Variants in LRCH4 observed in about 807,000 individuals in gnomAD.
The protein encoded by LRCH4 is leucine rich repeats and calponin homology domain containing 4.
A neutral mutation model predicts 81.2 loss-of-function variants in LRCH4; 56 were observed. The ratio of observed to expected loss-of-function variants is 0.69; its 90% CI spans 0.56 to 0.86. The LOEUF (loss-of-function observed/expected upper bound fraction) is 0.86, where lower values mean the gene tolerates loss of function less well. LRCH4 is among the 40% of genes least tolerant of loss of function. The pLI, the probability that LRCH4 is intolerant of heterozygous loss-of-function variation, is 0.00. For synonymous variants in LRCH4, 442 were observed against 409.7 expected, an observed-to-expected ratio of 1.08 and a Z score of -0.95; for missense variants, 895 against 922.8, an observed-to-expected ratio of 0.97 and a Z score of 0.39.
rs532653065 is a variant in LRCH4 at position 100,575,189 on chromosome 7, G to A, written c.1970C>T (p.Ser657Phe). 6.2e-7 allele frequency: 1 copy of A among 1,613,268 alleles called. No homozygotes were observed. The highest frequency in any genetic ancestry group is 8.5e-7 in the Non-Finnish European group (1 of 1,179,636). ...GAAGACGACGAAGCCGCCCAGACCA[G>A]AGGGGGGCCAGAGGGGCGGTAGGGC... is the stretch of plus-strand genomic sequence containing the variant. ...GKALPPLWPP[S>F]GLGGFVVFYV... The change falls in exon 18 of 18, where the codon TCT becomes TTT. Residue 657 changes from serine to phenylalanine, a missense_variant. This residue lies in a region of LRCH4 where 529 missense variants were observed against 504.9 expected (regional missense o/e 1.05). Transcript: ENST00000310300. The surrounding 1 kb of genome is among the most constrained non-coding windows in gnomAD (Gnocchi z 5.3).
intron 14 of LRCH4, 48 bp from the exon 15 acceptor site, chr7:100,576,371 ACT>A (rs1562804913): frequency 1.4e-6 from 2 of 1,384,808 alleles, no homozygotes; most frequent in Non-Finnish European, 2.0e-6. Flanking sequence ...CTCACCACTG[ACT>A]CTGTAGCTGG....
Position 100,578,549 on chromosome 7 carries a change from G to A in LRCH4, c.736-38C>T, listed in dbSNP as rs201238982. Reference sequence around the variant, plus strand: ...CAGCACACGCCAGGGAGTTGGCAGGGAGGGCAGCTCCCCGGATCCTGCTCA... The same window carrying A: ...CAGCACACGCCAGGGAGTTGGCAGGAAGGGCAGCTCCCCGGATCCTGCTCA... On this transcript the variant is annotated intron_variant, in intron 5 of 17. Transcript: ENST00000310300. This position sits in a 1 kb window ranked among gnomAD's most constrained non-coding sequence, Gnocchi z 5.7. 135 of 1,602,320 alleles carry A rather than the reference G, an allele frequency of 8.4e-5. 1 individual carries two copies. In the East Asian group the frequency reaches 2.1e-3, roughly 25 times the overall value.
intron 4 of LRCH4, 108 bp downstream of exon 4, chr7:100,581,669 T>G: frequency 1.2e-6 from 1 of 862,980 alleles, no homozygotes; most frequent in Non-Finnish European, 1.9e-6. Flanking sequence ...GAAAAATGAA[T>G]GCCTGCCATG....
In LRCH4 at chr7:100,576,011, G is replaced by A; in HGVS notation, c.1639-3C>T. ...CGCTGCAGCCGGGACTCAAGGACCT[G>A]GCAGTGTAGACCACATAGAGCAGGG... On this transcript the variant is annotated splice_polypyrimidine_tract_variant and splice_region_variant and intron_variant, in intron 15 of 17. Transcript: ENST00000310300. The A allele has an allele frequency of 1.2e-6, 2 of 1,602,168 alleles. No individual in the cohort carries two copies. The highest frequency in any genetic ancestry group is 2.2e-5 in the South Asian group (2 of 90,496).
At position 100,575,364 on chromosome 7, in the gene LRCH4, G is replaced by A. The variant is rs1460057408; in HGVS notation, c.1855-60C>T. 7.0e-7 allele frequency: 1 copy of A among 1,427,968 alleles called. No individual in the cohort carries two copies. The highest frequency in any genetic ancestry group is 1.4e-5 in the African/African-American group (1 of 71,110). The allele number at this position is 1,427,968 out of a possible 1,614,324, so 88.5% of individuals were successfully genotyped here. On this transcript the variant is annotated intron_variant, in intron 17 of 17. Transcript: ENST00000310300. This position sits in a 1 kb window ranked among gnomAD's most constrained non-coding sequence, Gnocchi z 5.3. ...GGACAGACGTCAGCAGCAGCAGCAG[G>A]ACAGTCCCTCCCACCCCTGCCCTCA...
In LRCH4 at chr7:100,578,537, G is replaced by A; in HGVS notation, c.736-26C>T. On this transcript the variant is annotated intron_variant, in intron 5 of 17. Transcript: ENST00000310300. The surrounding 1 kb of genome is among the most constrained non-coding windows in gnomAD (Gnocchi z 5.7). ...CTGTGTGCGGGGCAGCACACGCCAG[G>A]GAGTTGGCAGGGAGGGCAGCTCCCC... The A allele has an allele frequency of 1.2e-6, 2 of 1,606,250 alleles. No individual in the cohort carries two copies. Among genetic ancestry groups the A allele is most frequent in the Non-Finnish European group, 1.7e-6 (2 of 1,174,850 alleles).
chr7:100,574,706 C>A lies in LRCH4; in HGVS notation c.*401G>T. 1 of 188,768 alleles carries A rather than the reference C, an allele frequency of 5.3e-6. No individual in the cohort carries two copies. The highest frequency in any genetic ancestry group is 1.1e-4 in the South Asian group (1 of 9,354). 11.7% of individuals were successfully genotyped at this position (188,768 alleles called of 1,614,324 possible). On this transcript the variant is annotated 3_prime_UTR_variant, in exon 18 of 18. Transcript: ENST00000310300. ...ACAGAGATAGGGACCCGGCCTGGGC[C>A]CCGAACCCCTACAAATATAGATCCT...
At chr7:100,585,845 G>C in intron 1 of LRCH4, 36 bp downstream of exon 1, 1 of 1,524,620 alleles carries the variant, frequency 6.6e-7, no homozygotes, top group Non-Finnish European at 8.8e-7. Context: ...ATGCAAATGA[G>C]GGACCCGGTT....
intron 4 of LRCH4, chr7:100,579,402 C>G (rs1179468960): frequency 6.6e-6 from 1 of 152,322 alleles, no homozygotes; most frequent in Non-Finnish European, 1.5e-5. Flanking sequence ...TTGAGACCAC[C>G]CTGGCTAACA....
At position 100,582,233 on chromosome 7, in the gene LRCH4, C is replaced by G; in HGVS notation, c.366-66G>C. ...TGGCATCCCAGCACTGCCATCCTCT[C>G]GGGGTCACTGGGTGGGTCACTCAGT... is the stretch of plus-strand genomic sequence containing the variant. On this transcript the variant is annotated intron_variant, in intron 2 of 17. Coordinates refer to ENST00000310300, the MANE Select transcript of LRCH4 (RefSeq NM_002319.5). The surrounding 1 kb of genome is among the most constrained non-coding windows in gnomAD (Gnocchi z 5.0). The G allele has an allele frequency of 5.6e-6, 9 of 1,613,392 alleles. No individual in the cohort carries two copies. The highest frequency in any genetic ancestry group is 7.6e-6 in the Non-Finnish European group (9 of 1,179,874).
Position 100,586,008 on chromosome 7 carries a change from T to C in LRCH4, c.93A>G (p.Arg31=), listed in dbSNP as rs751392493. The C allele has an allele frequency of 6.2e-7, 1 of 1,608,974 alleles. No homozygotes were observed. Among genetic ancestry groups the C allele is most frequent in the Non-Finnish European group, 8.5e-7 (1 of 1,177,718 alleles). The change falls in exon 1 of 18, where the codon AGA becomes AGG. Residue 31 remains arginine, a synonymous_variant. Transcript: ENST00000310300. ...CCTCTAGGGCCCGCTCTGCACTGCG[T>C]CTCCCCGGCAGACCTGGAGACCCGG... The part of the protein sequence containing the change: ...SVPGSPGLPG[R]RSAERALEEA...
At position 100,577,349 on chromosome 7, in the gene LRCH4, T is replaced by C. The variant is rs751351053; in HGVS notation, c.1219A>G (p.Thr407Ala). Residue 407 changes from threonine (T) to alanine (A), a missense_variant, in exon 11 of 18, where the codon ACC becomes GCC. Thr to Ala is a moderately conservative substitution (Grantham distance 58). Around this residue, in one of 3 missense-constraint regions of LRCH4, gnomAD observed 529 missense variants for 504.9 expected, o/e 1.05. Transcript: ENST00000310300. The surrounding 1 kb of genome is among the most constrained non-coding windows in gnomAD (Gnocchi z 6.7). Reference sequence around the variant, plus strand: ...TCCCGCTCCTGCCACAGCTGCAAGGTGTCCGGGCGCCGCCGCTCCTCCCCT... The same window carrying C: ...TCCCGCTCCTGCCACAGCTGCAAGGCGTCCGGGCGCCGCCGCTCCTCCCCT... The part of the protein sequence containing the change: ...PAGEERRRPD[T>A]LQLWQERERR... The C allele has an allele frequency of 9.4e-6, 15 of 1,599,150 alleles. No homozygotes were observed. The South Asian group carries it at 1.5e-4, about 16-fold the overall frequency.
At position 100,582,320 on chromosome 7, in the gene LRCH4, G is replaced by A. The variant is rs191243491; in HGVS notation, c.360C>T (p.Asn120=). 1.7e-5 allele frequency: 27 copies of A among 1,614,172 alleles called. 1 individual carries two copies. In the East Asian group the frequency reaches 4.9e-4, roughly 29 times the overall value. ...CCCTGGCTCGGCCTCCCTACCTGAG[G>A]TTGAGGTAGGTGAGGGCTGTGAGAT... ...LGNLTALTYL[N]LSRNQLSLLP... The change falls in exon 2 of 18, where the codon AAC becomes AAT. Residue 120 remains asparagine, a synonymous_variant. Transcript: ENST00000310300. This position sits in a 1 kb window ranked among gnomAD's most constrained non-coding sequence, Gnocchi z 5.0.
rs1801616706 is a variant in LRCH4, at chr7:100,583,245, A to G, written c.221-786T>C. On this transcript the variant is annotated intron_variant, in intron 1 of 17. Transcript: ENST00000310300. This position sits in a 1 kb window ranked among gnomAD's most constrained non-coding sequence, Gnocchi z 4.3. Reference sequence around the variant, plus strand: ...CTCTTACTGACACAGACTTCAAGAGATCAGCAACTGTGTGAGCATCTCAGG... The same window carrying G: ...CTCTTACTGACACAGACTTCAAGAGGTCAGCAACTGTGTGAGCATCTCAGG... Among the ~76,000 whole-genome samples, 1 of 152,142 alleles carries G rather than the reference A, an allele frequency of 6.6e-6. No individual in the cohort carries two copies. Among genetic ancestry groups the G allele is most frequent in the Non-Finnish European group, 1.5e-5 (1 of 68,028 alleles).
At position 100,578,384 on chromosome 7, in the gene LRCH4, C is replaced by T; in HGVS notation, c.848+15G>A. 6.2e-7 allele frequency: 1 copy of T among 1,611,110 alleles called. No individual in the cohort carries two copies. Among genetic ancestry groups the T allele is most frequent in the Non-Finnish European group, 8.5e-7 (1 of 1,177,936 alleles). Reference sequence around the variant, plus strand: ...CAGTATCCCAGGGCTTCCTTCCTCCCCACCTAGGACTTACCAGGGACTGAA... The same window carrying T: ...CAGTATCCCAGGGCTTCCTTCCTCCTCACCTAGGACTTACCAGGGACTGAA... On this transcript the variant is annotated intron_variant, in intron 6 of 17. Coordinates refer to ENST00000310300, the MANE Select transcript of LRCH4 (RefSeq NM_002319.5). The surrounding 1 kb of genome is among the most constrained non-coding windows in gnomAD (Gnocchi z 5.7).
chr7:100,586,089 G>C lies in LRCH4; in HGVS notation c.12C>G (p.Ala4=). Residue 4 remains alanine (A), a synonymous_variant, in exon 1 of 18, where the codon GCC becomes GCG. Transcript: ENST00000310300. ...CCCCGGCGGCGAGTGGAGCCGCTAC[G>C]GCCGCCGCCATCCGCTCCCGGCGGC... MAA[A]VAAPLAAGGE... is the part of the protein sequence containing the mutation. 6.5e-7 allele frequency: 1 copy of C among 1,529,396 alleles called. No homozygotes were observed. The highest frequency in any genetic ancestry group is 8.8e-7 in the Non-Finnish European group (1 of 1,135,628). The allele number at this position is 1,529,396 out of a possible 1,614,324, so 94.7% of individuals were successfully genotyped here.
chr7:100,576,798 A>G, intron 13 of LRCH4, 21 bp from the exon 14 acceptor site: 1 of 1,570,062 alleles, frequency 6.4e-7, no homozygotes, highest in South Asian at 1.2e-5. Flanking sequence ...AACCAGGGAC[A>G]CAGCGACAGG....
In LRCH4 at chr7:100,576,932, AGGCAGG is replaced by A. The variant is rs758827634; in HGVS notation, c.1432_1437del (p.Pro478_Ala479del). On this transcript the variant is annotated inframe_deletion, in exon 13 of 18. Transcript: ENST00000310300. ...CCAGCTATGGGAAGGGGCTCTTGGG[AGGCAGG>A]GGCAGGGGCGGGGGCTCCCTGCCCC... The A allele has an allele frequency of 2.6e-6, 4 of 1,567,030 alleles. No individual in the cohort carries two copies. The East Asian group carries it at 6.9e-5, about 27-fold the overall frequency.
In LRCH4 at chr7:100,574,273, G is replaced by A; in HGVS notation, c.*834C>T. The A allele has an allele frequency of 5.2e-6, 1 of 192,304 alleles. No individual in the cohort carries two copies. The highest frequency in any genetic ancestry group is 1.1e-5 in the Non-Finnish European group (1 of 88,748). 11.9% of individuals were successfully genotyped at this position (192,304 alleles called of 1,614,324 possible). A position where few individuals can be genotyped will look rare whatever the true frequency, so the allele number is the denominator to read the frequency against. On this transcript the variant is annotated 3_prime_UTR_variant, in exon 18 of 18. Transcript: ENST00000310300. ...ACCCCTAAGGCCGGTCCAGCAGGGC[G>A]TGGACGACAGCAGCGATGTAGGGGA...
Sources: allele counts gnomAD v4.1 joint callset (sites outside exome capture counted in the v4.1 genomes callset), GRCh38; gene constraint gnomAD v4.1.1; regional missense constraint gnomAD v4.1.1; non-coding constraint Gnocchi (gnomAD v3.1); transcripts MANE v1.5; gene names NCBI Gene and HGNC (gene_info 2026-07-23, HGNC 2026-07-21).